The following CD1B variants were observed in gnomAD, a reference collection of about 807,000 sequenced individuals.
CD1B encodes CD1b molecule.
In CD1B, 43 loss-of-function variants were observed where a neutral mutation model predicts 39.8. The observed-to-expected ratio is 1.08, with a 90% CI of 0.85 to 1.39. The LOEUF (loss-of-function observed/expected upper bound fraction) is 1.39. Among genes scored for constraint, CD1B ranks in the 40% most tolerant of loss-of-function variants. The pLI, the probability that CD1B is intolerant of heterozygous loss-of-function variation, is 0.00. For synonymous variants in CD1B, 192 were observed against 152.5 expected, an observed-to-expected ratio of 1.26 and a Z score of -1.91; for missense variants, 495 against 403.8, an observed-to-expected ratio of 1.23 and a Z score of -1.94.
In CD1B at chr1:158,331,045, AG is replaced by A. The variant is rs773722863; in HGVS notation, c.78del (p.Ser27ProfsTer42). 1 of 1,612,112 alleles carries A rather than the reference AG, an allele frequency of 6.2e-7. No homozygotes were observed. The highest frequency in any genetic ancestry group is 8.5e-7 in the Non-Finnish European group (1 of 1,179,312). Reference protein sequence around the residue: ...GNSEHAFQGPTSFHVIQTSSF... With the variant: ...GNSEHAFQGPXSFHVIQTSSF... ...GACGAGGTCTGGATAACATGAAAGG[AG>A]GTCGGCCCCTGGAAGGCTGTGAAGA... On this transcript the variant is annotated frameshift_variant, in exon 2 of 6. Coordinates refer to ENST00000368168, the MANE Select transcript of CD1B (RefSeq NM_001764.3). LOFTEE classifies it high-confidence loss of function.
the CD1B span, among the ~76,000 whole-genome samples, chr1:158,320,276 T>G: frequency 2.6e-5 from 4 of 152,186 alleles, no homozygotes; most frequent in Admixed American, 2.0e-4. Flanking sequence ...GCCTTGCAGT[T>G]TGATCTCAGA....
the CD1B span, among the ~76,000 whole-genome samples, chr1:158,299,701 T>C: frequency 2.0e-5 from 3 of 152,232 alleles, no homozygotes; most frequent in South Asian, 6.2e-4. Flanking sequence ...AACTTCTTCC[T>C]GGTTTACTCT....
At chr1:158,320,003 G>T in the CD1B span, among the ~76,000 whole-genome samples, 1 of 152,328 alleles carries the variant, frequency 6.6e-6, no homozygotes, top group Non-Finnish European at 1.5e-5. Context: ...CCCGCTTGAG[G>T]AGGCAGTCTG....
At chr1:158,307,397 C>T in the CD1B span, among the ~76,000 whole-genome samples, 259 of 152,184 alleles carry the variant, frequency 1.7e-3, 1 homozygote, top group Non-Finnish European at 2.8e-3. Context: ...GAATTTGAAT[C>T]CCTGAATAGA....
chr1:158,309,349 G>A, the CD1B span, among the ~76,000 whole-genome samples: 1 of 152,182 alleles, frequency 6.6e-6, no homozygotes, highest in Non-Finnish European at 1.5e-5. Context: ...TGGAGAGGAT[G>A]TGGAGAAATA....
chr1:158,328,178 CTGA>C lies in CD1B; in HGVS notation c.*55_*57del. ...AAATATGATAAGATTGACTTTTGGG[CTGA>C]TATCTTGGGCTTCTTGGTACTTATT... On this transcript the variant is annotated 3_prime_UTR_variant, in exon 6 of 6. Transcript: ENST00000368168. 7.5e-7 allele frequency: 1 copy of C among 1,338,870 alleles called. No homozygotes were observed. Among genetic ancestry groups the C allele is most frequent in the Admixed American group, 1.8e-5 (1 of 54,836 alleles). 82.9% of individuals were successfully genotyped at this position (1,338,870 alleles called of 1,614,324 possible).
chr1:158,323,551 T>C (rs575824252), downstream of CD1B, among the ~76,000 whole-genome samples: 3 of 152,326 alleles, frequency 2.0e-5, no homozygotes, highest in East Asian at 5.8e-4. Context: ...GATGCTTGTG[T>C]ATGTACATTG....
At chr1:158,311,357 C>G in the CD1B span, among the ~76,000 whole-genome samples, 1 of 152,116 alleles carries the variant, frequency 6.6e-6, no homozygotes. Flanking sequence ...GTCTTTTGCC[C>G]TTTAAAATTT....
chr1:158,325,553 T>A (rs867962936), downstream of CD1B, among the ~76,000 whole-genome samples: 3 of 152,300 alleles, frequency 2.0e-5, no homozygotes, highest in South Asian at 2.1e-4. Flanking sequence ...TGTTTAATTG[T>A]AGAGAAGTTT....
At chr1:158,300,817 G>A in the CD1B span, among the ~76,000 whole-genome samples, 3 of 145,796 alleles carry the variant, frequency 2.1e-5, no homozygotes, top group South Asian at 6.6e-4. Context: ...GGAGTACAGT[G>A]GTGCGATCTC....
chr1:158,316,936 C>T, the CD1B span, among the ~76,000 whole-genome samples: 7 of 151,334 alleles, frequency 4.6e-5, no homozygotes, highest in African/African-American at 1.7e-4. Context: ...TTGTCTTTGG[C>T]TCTGTTTATA....
chr1:158,296,620 A>G, the CD1B span, among the ~76,000 whole-genome samples: 3 of 152,196 alleles, frequency 2.0e-5, no homozygotes, highest in Admixed American at 6.5e-5. Flanking sequence ...GATAATAGAC[A>G]TAGATTTTAG....
rs1051592020 is a variant in CD1B, at chr1:158,329,847, C to T, written c.607+5G>A. ...GGTGGGAAGTGAAATAACAGCAGGACTAACCTTGTCTTTGCAGATCTGCTT... is the reference window on the plus strand; with the variant it reads ...GGTGGGAAGTGAAATAACAGCAGGATTAACCTTGTCTTTGCAGATCTGCTT... On this transcript the variant is annotated splice_donor_5th_base_variant and intron_variant, in intron 3 of 5. Transcript: ENST00000368168. 2 of 1,610,830 alleles carry T rather than the reference C, an allele frequency of 1.2e-6. No homozygotes were observed.
intron 5 of CD1B, among the ~76,000 whole-genome samples, 179 bp downstream of exon 5, chr1:158,328,742 T>C (rs1652459386): frequency 6.6e-6 from 1 of 152,184 alleles, no homozygotes; most frequent in Admixed American, 6.5e-5. Context: ...AACCTTATGT[T>C]ATGTGTATTT....
chr1:158,330,055 G>T lies in CD1B; in HGVS notation c.404C>A (p.Ala135Asp). 6.2e-7 allele frequency: 1 copy of T among 1,613,946 alleles called. No homozygotes were observed. The highest frequency in any genetic ancestry group is 8.5e-7 in the Non-Finnish European group (1 of 1,179,902). ...GGAIVSFLRG[A>D]LGGLDFLSVK... ...ACTCAGGAAATCCAATCCTCCTAGA[G>T]CTCCCCTCAGGAAGCTTACTATGGC... Residue 135 changes from alanine (A) to aspartate (D), a missense_variant, in exon 3 of 6, where the codon GCT (alanine) becomes GAT (aspartate). By Grantham distance (126) the Ala-to-Asp change is moderately radical (BLOSUM62 -2). Coordinates refer to ENST00000368168, the MANE Select transcript of CD1B (RefSeq NM_001764.3).
the CD1B span, among the ~76,000 whole-genome samples, chr1:158,299,098 T>C: frequency 6.6e-6 from 1 of 152,196 alleles, no homozygotes; most frequent in Non-Finnish European, 1.5e-5. Context: ...GTGCCAGTTT[T>C]CAAAGGGAAT....
chr1:158,315,800 T>A, the CD1B span, among the ~76,000 whole-genome samples: 1 of 152,030 alleles, frequency 6.6e-6, no homozygotes, highest in Non-Finnish European at 1.5e-5. Context: ...GCTCTAACGT[T>A]TAAGTCTTTA....
chr1:158,330,501 C>A (rs1010845677), intron 2 of CD1B: 9 of 595,480 alleles, frequency 1.5e-5, no homozygotes, highest in African/African-American at 1.1e-4. Flanking sequence ...ATCACTCAGG[C>A]ACAGGGTAGG....
the CD1B span, among the ~76,000 whole-genome samples, chr1:158,304,865 C>G: frequency 6.6e-6 from 1 of 152,224 alleles, no homozygotes. Context: ...AACAGACCTG[C>G]TGCTGAGGGT....
Sources: gnomAD v4.1 joint callset for allele counts (sites outside exome capture counted in the v4.1 genomes callset) on GRCh38, gnomAD v4.1.1 for gene constraint, MANE v1.5 for transcripts, NCBI Gene and HGNC (gene_info 2026-07-23, HGNC 2026-07-21) for gene names.